The following SERPINA9 variants were observed in gnomAD, a reference collection of about 807,000 sequenced individuals.
The protein encoded by SERPINA9 is serpin family A member 9.
In SERPINA9, 32 loss-of-function variants were observed where a neutral mutation model predicts 24.5. The observed-to-expected ratio is 1.30, with a 90% confidence interval of 0.98 to 1.75. The LOEUF (loss-of-function observed/expected upper bound fraction) is 1.75. Among genes scored for constraint, SERPINA9 ranks in the 40% most tolerant of loss-of-function variants. SERPINA9 has a pLI of 0.00. For synonymous variants in SERPINA9, 233 were observed against 197.7 expected, an observed-to-expected ratio of 1.18 and a Z score of -1.50; for missense variants, 594 against 497.1, an observed-to-expected ratio of 1.19 and a Z score of -1.85.
At chr14:94,472,879 A>G (rs1899391646) in intron 1 of SERPINA9, among the ~76,000 whole-genome samples, 1 of 152,238 alleles carries the variant, frequency 6.6e-6, no homozygotes, top group Admixed American at 6.5e-5. Flanking sequence ...AACCAGAGCC[A>G]GGCAGCTTTG....
In SERPINA9 at chr14:94,464,764, A is replaced by G. The variant is rs1416178773; in HGVS notation, c.993T>C (p.Phe331=). The G allele has an allele frequency of 6.2e-7, 1 of 1,613,764 alleles. No individual in the cohort carries two copies. The highest frequency in any genetic ancestry group is 8.5e-7 in the Non-Finnish European group (1 of 1,179,652). Residue 331 remains phenylalanine, a synonymous_variant, in exon 4 of 5, where the codon TTT becomes TTC. Coordinates refer to ENST00000674397, the MANE Select transcript of SERPINA9 (RefSeq NM_175739.4). The part of the protein sequence containing the change: ...ILPKMGIQNV[F]DKNADFSGIA... ...TTCCAGAAAAATCAGCATTTTTGTC[A>G]AAGACATTTTGGATGCCCATCTTCG...
intron 3 of SERPINA9, among the ~76,000 whole-genome samples, chr14:94,465,096 G>A (rs937170576): frequency 4.6e-5 from 7 of 152,178 alleles, no homozygotes; most frequent in African/African-American, 1.4e-4. Flanking sequence ...GGGTGCAGAG[G>A]TGAAAAAGCA....
At chr14:94,467,891 A>G (rs1899091258) in intron 2 of SERPINA9, among the ~76,000 whole-genome samples, 2 of 144,886 alleles carry the variant, frequency 1.4e-5, no homozygotes, top group African/African-American at 5.2e-5. Context: ...CTAGATGGCT[A>G]GCTAGGTGGA....
rs1435104405 is a variant in SERPINA9, at chr14:94,464,865, G to C, written c.903-11C>G. ...AACACCTCTATCCACCTGTGGAGTA[G>C]GGAAAAGGAAACAATGAGGTCACAA... On this transcript the variant is annotated splice_polypyrimidine_tract_variant and intron_variant, in intron 3 of 4. Transcript: ENST00000674397. The C allele has an allele frequency of 3.1e-6, 5 of 1,606,138 alleles. No homozygotes were observed. Among genetic ancestry groups the C allele is most frequent in the African/African-American group, 2.7e-5 (2 of 74,464 alleles).
intron 3 of SERPINA9, among the ~76,000 whole-genome samples, chr14:94,466,187 A>G (rs535833157): frequency 1.3e-5 from 2 of 152,274 alleles, no homozygotes; most frequent in Admixed American, 1.3e-4. Flanking sequence ...ACCCTGCAGC[A>G]TCTCTTCATC....
In SERPINA9 at chr14:94,462,902, G is replaced by A; in HGVS notation, c.*191C>T. ...GAATTTGTGGAAAAGGGCACTGACTGGGGTTAATGGGTGTTGGCTTGTGAC... is the reference window on the plus strand; with the variant it reads ...GAATTTGTGGAAAAGGGCACTGACTAGGGTTAATGGGTGTTGGCTTGTGAC... On this transcript the variant is annotated 3_prime_UTR_variant, in exon 5 of 5. Coordinates refer to ENST00000674397, the MANE Select transcript of SERPINA9 (RefSeq NM_175739.4). 1 of 582,298 alleles carries A rather than the reference G, an allele frequency of 1.7e-6. No homozygotes were observed. The highest frequency in any genetic ancestry group is 2.0e-5 in the South Asian group (1 of 50,102). The allele number at this position is 582,298 out of a possible 1,614,324, so 36.1% of individuals were successfully genotyped here.
chr14:94,464,780 C>A lies in SERPINA9; in HGVS notation c.977G>T (p.Gly326Val). ...ATTTTTGTCAAAGACATTTTGGATG[C>A]CCATCTTCGGGAGGATGGTTTCCAG... The part of the protein sequence containing the change: ...YNLETILPKM[G>V]IQNVFDKNAD... The change falls in exon 4 of 5, where the codon GGC becomes GTC. Residue 326 changes from glycine (G) to valine (V), a missense_variant. Gly to Val is a moderately radical substitution (Grantham distance 109, BLOSUM62 -3). Coordinates refer to ENST00000674397, the MANE Select transcript of SERPINA9 (RefSeq NM_175739.4). 6.2e-7 allele frequency: 1 copy of A among 1,612,344 alleles called. No homozygotes were observed. The highest frequency in any genetic ancestry group is 8.5e-7 in the Non-Finnish European group (1 of 1,178,394).
At chr14:94,469,167 A>T in intron 2 of SERPINA9, 46 bp downstream of exon 2, 1 of 1,542,366 alleles carries the variant, frequency 6.5e-7, no homozygotes, top group South Asian at 1.2e-5. Flanking sequence ...AATCATCATC[A>T]TCATCATAAA....
At chr14:94,471,353 A>G (rs1899308453) in intron 1 of SERPINA9, among the ~76,000 whole-genome samples, 1 of 152,232 alleles carries the variant, frequency 6.6e-6, no homozygotes, top group African/African-American at 2.4e-5. Flanking sequence ...AACCTTTGCC[A>G]AAAGCGACAA....
At chr14:94,467,007 T>G in intron 3 of SERPINA9, 102 bp downstream of exon 3, 1 of 1,345,916 alleles carries the variant, frequency 7.4e-7, no homozygotes, top group Non-Finnish European at 1.0e-6. Flanking sequence ...GTGCTCACTG[T>G]GCAGAAGTGA....
At chr14:94,475,481 C>T (rs1899559753) in intron 1 of SERPINA9, among the ~76,000 whole-genome samples, 2 of 151,812 alleles carry the variant, frequency 1.3e-5, no homozygotes, top group East Asian at 1.9e-4. Flanking sequence ...ACAACCTTGC[C>T]TCCTATCTCA....
intron 3 of SERPINA9, among the ~76,000 whole-genome samples, chr14:94,465,780 C>T (rs1037870468): frequency 1.3e-5 from 2 of 152,154 alleles, no homozygotes; most frequent in Non-Finnish European, 2.9e-5. Flanking sequence ...CCACCCGCCT[C>T]GGCTTCCCAA....
rs767098239 is a variant in SERPINA9 at position 94,467,393 on chromosome 14, G to A, written c.629-11C>T. On this transcript the variant is annotated splice_polypyrimidine_tract_variant and intron_variant, in intron 2 of 4. Transcript: ENST00000674397. ...GCTTCTCCCACTTGGCTAGCACAAA[G>A]AGAGAAAAGAAGTCTTTATGTCAAA... 6.3e-7 allele frequency: 1 copy of A among 1,587,806 alleles called. No homozygotes were observed. The highest frequency in any genetic ancestry group is 1.3e-5 in the African/African-American group (1 of 74,120).
At chr14:94,464,451 G>C (rs1898896851) in intron 4 of SERPINA9, 1 of 540,580 alleles carries the variant, frequency 1.8e-6, no homozygotes, top group Non-Finnish European at 3.2e-6. Flanking sequence ...GGGAGCACTT[G>C]CTCTCCTGCA....
intron 3 of SERPINA9, among the ~76,000 whole-genome samples, chr14:94,466,501 A>G (rs1469217978): frequency 6.6e-6 from 1 of 152,194 alleles, no homozygotes; most frequent in Non-Finnish European, 1.5e-5. Flanking sequence ...CCAAAAATAT[A>G]TTGCTAAGAG....
intron 1 of SERPINA9, 30 bp from the exon 2 acceptor site, chr14:94,469,887 G>T (rs770768929): frequency 1.3e-6 from 2 of 1,490,738 alleles, no homozygotes; most frequent in African/African-American, 1.4e-5. Flanking sequence ...CATTGAGGGG[G>T]TAAACTGAGG....
intron 3 of SERPINA9, 152 bp from the exon 4 acceptor site, chr14:94,465,006 TTG>T: frequency 1.5e-6 from 1 of 666,070 alleles, no homozygotes; most frequent in Non-Finnish European, 2.5e-6. Context: ...GAAACCCAGG[TTG>T]CTCTTGAAAT....
intron 3 of SERPINA9, among the ~76,000 whole-genome samples, chr14:94,466,840 T>C (rs1273758351): frequency 6.6e-6 from 1 of 152,200 alleles, no homozygotes; most frequent in African/African-American, 2.4e-5. Flanking sequence ...TGCAAGCATA[T>C]AACAGCTACA....
rs2139810634 is a variant in SERPINA9 at position 94,469,382 on chromosome 14, C to G, written c.459G>C (p.Lys153Asn). Residue 153 changes from lysine (K) to asparagine (N), a missense_variant, in exon 2 of 5, where the codon AAG becomes AAC. Coordinates refer to ENST00000674397, the MANE Select transcript of SERPINA9 (RefSeq NM_175739.4). ...QLQANFLGNV[K>N]RLYEAEVFST... ...AAAAGACTTCTGCTTCATACAGCCT[C>G]TTGACATTGCCCAAGAAATTTGCCT... is the stretch of plus-strand genomic sequence containing the variant. 6.2e-7 allele frequency: 1 copy of G among 1,614,202 alleles called. No individual in the cohort carries two copies.
Sources: gnomAD v4.1 joint callset for allele counts (sites outside exome capture counted in the v4.1 genomes callset) on GRCh38, gnomAD v4.1.1 for gene constraint, MANE v1.5 for transcripts, NCBI Gene and HGNC (gene_info 2026-07-23, HGNC 2026-07-21) for gene names.